Variants in C12orf42 observed in about 807,000 individuals in gnomAD.
The protein encoded by C12orf42 is chromosome 12 open reading frame 42.
A neutral mutation model predicts 21.6 loss-of-function variants in C12orf42; 25 were observed. The ratio of observed to expected loss-of-function variants is 1.16; its 90% CI spans 0.84 to 1.62. The LOEUF is 1.62. Ranked by LOEUF, C12orf42 falls within the 40% of genes most tolerant of loss-of-function variation. C12orf42 has a pLI of 0.00. For synonymous variants in C12orf42, 174 were observed against 175.0 expected (o/e 0.99, Z 0.05); for missense variants, 483 against 459.3 (o/e 1.05, Z -0.47).
At chr12:103,304,281 C>A (rs1042603438) in intron 5 of C12orf42, among the ~76,000 whole-genome samples, 2 of 152,070 alleles carry the variant, frequency 1.3e-5, no homozygotes, top group African/African-American at 4.8e-5. Flanking sequence ...AGTATGTGAT[C>A]AGCAGTATTC....
At chr12:103,177,916 A>G in the C12orf42 span, among the ~76,000 whole-genome samples, 1 of 152,090 alleles carries the variant, frequency 6.6e-6, no homozygotes, top group Admixed American at 6.6e-5. Flanking sequence ...CCTCACGACA[A>G]CATGTAAATA....
At chr12:103,419,449 T>G (rs1474439032) in intron 2 of C12orf42, among the ~76,000 whole-genome samples, 1 of 151,950 alleles carries the variant, frequency 6.6e-6, no homozygotes, top group African/African-American at 2.4e-5. Flanking sequence ...AATCAGGACA[T>G]AGAGGAGATG....
chr12:103,420,256 G>A (rs573420075), intron 2 of C12orf42, among the ~76,000 whole-genome samples: 5 of 152,234 alleles, frequency 3.3e-5, no homozygotes, highest in African/African-American at 1.2e-4. Context: ...TGGGTTTGCA[G>A]TACCCCTCTA....
the C12orf42 span, among the ~76,000 whole-genome samples, chr12:103,091,373 C>T: frequency 4.1e-5 from 6 of 147,378 alleles, no homozygotes; most frequent in East Asian, 1.9e-4. Flanking sequence ...TTTTTTCCCC[C>T]TCTTGCCTCA....
chr12:103,069,503 GT>G, the C12orf42 span, among the ~76,000 whole-genome samples: 476 of 152,208 alleles, frequency 3.1e-3, 1 homozygote, highest in Middle Eastern at 3.4e-3. Context: ...ACAAACTCTA[GT>G]TATAAGAAAG....
chr12:103,090,863 A>G, the C12orf42 span, among the ~76,000 whole-genome samples: 1 of 152,186 alleles, frequency 6.6e-6, no homozygotes, highest in African/African-American at 2.4e-5. Flanking sequence ...ATTAGAACCA[A>G]TGGATAACTT....
the C12orf42 span, among the ~76,000 whole-genome samples, chr12:103,195,326 G>A: frequency 6.6e-6 from 1 of 152,106 alleles, no homozygotes; most frequent in Non-Finnish European, 1.5e-5. Context: ...GGAATTGCTG[G>A]GTTGAATGAT....
chr12:103,438,810 A>T (rs1318874592), intron 2 of C12orf42, among the ~76,000 whole-genome samples: 1 of 151,546 alleles, frequency 6.6e-6, no homozygotes, highest in African/African-American at 2.4e-5. Flanking sequence ...AAGAATCAAT[A>T]TCGTGAAAAT....
chr12:103,417,887 T>G (rs1206062505), intron 2 of C12orf42, among the ~76,000 whole-genome samples: 1 of 152,212 alleles, frequency 6.6e-6, no homozygotes, highest in Non-Finnish European at 1.5e-5. Context: ...TGAATGGCAT[T>G]ATTAACATGA....
At chr12:103,469,546 G>A (rs1953421456) in intron 2 of C12orf42, among the ~76,000 whole-genome samples, 1 of 152,156 alleles carries the variant, frequency 6.6e-6, no homozygotes, top group African/African-American at 2.4e-5. Flanking sequence ...TGTATGCACT[G>A]TAAGTTATAA....
the C12orf42 span, among the ~76,000 whole-genome samples, chr12:103,131,362 A>T: frequency 2.0e-5 from 3 of 152,188 alleles, no homozygotes; most frequent in East Asian, 5.8e-4. Context: ...AAAAATTATG[A>T]ATTTACTATA....
downstream of C12orf42, among the ~76,000 whole-genome samples, chr12:103,264,917 T>C (rs923655983): frequency 1.3e-5 from 2 of 152,180 alleles, no homozygotes; most frequent in Non-Finnish European, 2.9e-5. Flanking sequence ...TCACTCATTC[T>C]GTCTTAGTCA....
intron 3 of C12orf42, among the ~76,000 whole-genome samples, chr12:103,392,710 T>C (rs1390665257): frequency 6.6e-6 from 1 of 152,266 alleles, no homozygotes; most frequent in African/African-American, 2.4e-5. Context: ...TTATTAGCTC[T>C]AACTCACTTA....
At chr12:103,115,105 CA>C in the C12orf42 span, among the ~76,000 whole-genome samples, 176 of 152,040 alleles carry the variant, frequency 1.2e-3, 4 homozygotes, top group African/African-American at 3.9e-3. Context: ...CATCATCTTG[CA>C]AAAAGGGAAT....
At chr12:103,533,436 C>A in the C12orf42 span, among the ~76,000 whole-genome samples, 342 of 152,266 alleles carry the variant, frequency 2.2e-3, 1 homozygote, top group Non-Finnish European at 4.2e-3. Context: ...TCAGCTCAGA[C>A]ACATTTTCTC....
chr12:103,523,758 C>CAT, the C12orf42 span, among the ~76,000 whole-genome samples: 4,752 of 148,496 alleles, frequency 0.032, 170 homozygotes, highest in East Asian at 0.17. Flanking sequence ...GGATCACTTT[C>CAT]ATATATATAT....
intron 1 of C12orf42, among the ~76,000 whole-genome samples, chr12:103,488,261 G>C (rs1042064107): frequency 6.6e-6 from 1 of 151,752 alleles, no homozygotes; most frequent in African/African-American, 2.4e-5. Flanking sequence ...AATTCTTTAA[G>C]AATGTTGAAT....
chr12:103,325,022 G>A (rs1044945651), intron 4 of C12orf42, among the ~76,000 whole-genome samples: 1 of 152,236 alleles, frequency 6.6e-6, no homozygotes, highest in Admixed American at 6.5e-5. Context: ...GTAAAAGGGA[G>A]CTCCTGATAG....
the C12orf42 span, among the ~76,000 whole-genome samples, chr12:103,055,018 G>A: frequency 3.3e-5 from 5 of 151,744 alleles, no homozygotes; most frequent in Non-Finnish European, 5.9e-5. Flanking sequence ...AGGGCTATTG[G>A]TCTATAGTTT....
Sources: gnomAD v4.1 joint callset for allele counts (sites outside exome capture counted in the v4.1 genomes callset) on GRCh38, gnomAD v4.1.1 for gene constraint, MANE v1.5 for transcripts, NCBI Gene and HGNC (gene_info 2026-07-23, HGNC 2026-07-21) for gene names.